The following TMEM276 variants were observed in gnomAD, a reference collection of about 807,000 sequenced individuals.
The protein encoded by TMEM276 is transmembrane protein 276.
At chr8:144,466,580 G>C in the TMEM276 span, 5 of 982,780 alleles carry the variant, frequency 5.1e-6, no homozygotes, top group Non-Finnish European at 6.6e-6. Flanking sequence ...CCACGCCGAG[G>C]TTCCCGGGGC....
the TMEM276 span, chr8:144,465,391 CCG>C: frequency 9.7e-7 from 1 of 1,027,730 alleles, no homozygotes; most frequent in Non-Finnish European, 1.2e-6. Context: ...AGCGGGAGGC[CCG>C]AGCCTGCGCA....
At chr8:144,465,353 C>G in the TMEM276 span, 1 of 1,072,054 alleles carries the variant, frequency 9.3e-7, no homozygotes, top group East Asian at 8.2e-5. Flanking sequence ...GCGCAGTTAC[C>G]GGGCTGCGCG....
At chr8:144,465,913 G>C in the TMEM276 span, 1 of 136,650 alleles carries the variant, frequency 7.3e-6, no homozygotes, top group Non-Finnish European at 1.6e-5. Context: ...TGCGAGGAGA[G>C]GGGTCTGGGC....
the TMEM276 span, chr8:144,466,657 G>A: frequency 1.9e-6 from 2 of 1,073,778 alleles, no homozygotes; most frequent in Non-Finnish European, 2.5e-6. Context: ...CCCGATGCTG[G>A]AAGCGTAGAC....
the TMEM276 span, chr8:144,465,428 C>G: frequency 5.9e-6 from 6 of 1,010,032 alleles, no homozygotes; most frequent in East Asian, 1.1e-4. Flanking sequence ...GCCGTCGGCC[C>G]TGCCTCCTCT....
At chr8:144,465,001 G>A in the TMEM276 span, 6 of 1,545,948 alleles carry the variant, frequency 3.9e-6, no homozygotes, top group African/African-American at 2.7e-5. Flanking sequence ...CCCTACGCGC[G>A]GCACTCTAGT....
the TMEM276 span, chr8:144,466,500 G>T: frequency 1.5e-6 from 2 of 1,307,694 alleles, no homozygotes; most frequent in South Asian, 2.0e-5. Context: ...CGGCCGCGGA[G>T]CCCGGGGACC....
the TMEM276 span, chr8:144,463,939 C>T: frequency 6.9e-7 from 1 of 1,459,086 alleles, no homozygotes. Context: ...CCCTTTCATT[C>T]TGGTCTAGAC....
At chr8:144,466,830 G>A in the TMEM276 span, 1 of 1,536,850 alleles carries the variant, frequency 6.5e-7, no homozygotes, top group Non-Finnish European at 8.7e-7. Flanking sequence ...GAGCTGACCG[G>A]CCTGGCCGGT....
At chr8:144,464,680 G>C in the TMEM276 span, 3 of 1,574,494 alleles carry the variant, frequency 1.9e-6, no homozygotes, top group Non-Finnish European at 2.6e-6. Context: ...AACAGGAAAG[G>C]GTTTGGGGCT....
At chr8:144,466,680 C>G in the TMEM276 span, 1 of 1,255,782 alleles carries the variant, frequency 8.0e-7, no homozygotes, top group African/African-American at 1.6e-5. Flanking sequence ...CGGCCCCAAT[C>G]CTCCGGCCCG....
At chr8:144,464,197 C>T in the TMEM276 span, 7 of 1,613,160 alleles carry the variant, frequency 4.3e-6, no homozygotes, top group Middle Eastern at 3.3e-4. Context: ...CAAGGCCCAG[C>T]GACAGACATC....
the TMEM276 span, chr8:144,465,066 C>T: frequency 4.6e-6 from 7 of 1,530,086 alleles, no homozygotes; most frequent in South Asian, 3.6e-5. Flanking sequence ...CAGTCCTAGA[C>T]TTTCCGGATC....
chr8:144,465,048 G>C, the TMEM276 span: 2 of 1,534,022 alleles, frequency 1.3e-6, no homozygotes, highest in Admixed American at 2.0e-5. Flanking sequence ...TGGATGTTAG[G>C]AGAAGTTCAG....
At chr8:144,465,173 C>G in the TMEM276 span, 42 of 1,358,108 alleles carry the variant, frequency 3.1e-5, no homozygotes, top group South Asian at 5.6e-4. Context: ...GGAACGTCAG[C>G]CCTGGGGCCC....
chr8:144,466,645 G>T, the TMEM276 span: 3 of 1,011,318 alleles, frequency 3.0e-6, no homozygotes, highest in African/African-American at 3.5e-5. Flanking sequence ...CCTCGGCTCG[G>T]CCCCGATGCT....
At chr8:144,464,241 C>T in the TMEM276 span, 1 of 1,613,044 alleles carries the variant, frequency 6.2e-7, no homozygotes, top group Non-Finnish European at 8.5e-7. Flanking sequence ...TGTCCTCCTC[C>T]AGCCGGCTCA....
At chr8:144,466,795 C>G in the TMEM276 span, 4 of 1,535,850 alleles carry the variant, frequency 2.6e-6, no homozygotes, top group South Asian at 2.4e-5. Context: ...GGCGCCCAGA[C>G]CTGCCCGCGC....
chr8:144,464,964 G>A, the TMEM276 span: 6 of 1,583,886 alleles, frequency 3.8e-6, no homozygotes, highest in Non-Finnish European at 2.6e-6. Context: ...TGGAGAGGAA[G>A]GAAGCGCAGA....
Sources: allele counts gnomAD v4.1 joint callset, GRCh38; gene constraint gnomAD v4.1.1; transcripts MANE v1.5; gene names NCBI Gene and HGNC (gene_info 2026-07-23, HGNC 2026-07-21).